The following CFAP47 variants were observed in gnomAD, a reference collection of about 807,000 sequenced individuals.
The protein encoded by CFAP47 is cilia and flagella associated protein 47, also known as cilia- and flagella-associated protein 47.
A neutral mutation model predicts 148.1 loss-of-function variants in CFAP47; 29 were observed. That is an observed-to-expected ratio of 0.20 (90% CI 0.15 to 0.27). The LOEUF is 0.27. CFAP47 is among the 10% of genes least tolerant of loss of function. The pLI, the probability that CFAP47 is intolerant of heterozygous loss-of-function variation, is 1.00. For synonymous variants in CFAP47, 664 were observed against 577.3 expected, an observed-to-expected ratio of 1.15 and a Z score of -2.15; for missense variants, 1,872 against 1,697.5, an observed-to-expected ratio of 1.10 and a Z score of -1.81.
At chrX:36,165,938 T>G (rs1327651520) in intron 39 of CFAP47, among the ~76,000 whole-genome samples, 3 of 111,593 alleles carry the variant, frequency 2.7e-5, no homozygotes, top group African/African-American at 9.8e-5. Context: ...ACTTAAAGGC[T>G]CTTTCTCCAA....
intron 39 of CFAP47, among the ~76,000 whole-genome samples, chrX:36,173,550 G>C (rs1939619463): frequency 9.0e-6 from 1 of 111,413 alleles, no homozygotes; most frequent in Non-Finnish European, 1.9e-5. Flanking sequence ...CCTTCATTTT[G>C]TTATGTACTC....
At chrX:35,969,916 C>CT (rs1214896386) in intron 10 of CFAP47, among the ~76,000 whole-genome samples, 8 of 110,342 alleles carry the variant, frequency 7.3e-5, no homozygotes, top group Non-Finnish European at 1.5e-4. Flanking sequence ...TGTTTTTTTT[C>CT]TTTTTTTTCA....
intron 62 of CFAP47, chrX:36,367,974 G>A (rs1183342475): frequency 8.9e-6 from 1 of 111,936 alleles, no homozygotes; most frequent in Non-Finnish European, 1.9e-5. Flanking sequence ...ATGGTTGTTT[G>A]TAACAGTTGT....
Position 36,065,662 on chromosome X carries a change from G to A in CFAP47, c.4237G>A (p.Ala1413Thr). ...RKNWFSLPVTATAENCILTIY... is the reference protein window; with the variant it reads ...RKNWFSLPVTTTAENCILTIY... ...TTTCAGGTTTTCACTTCCAGTTACTGCAACAGCAGAAAACTGCATTCTTAC... is the reference window on the plus strand; with the variant it reads ...TTTCAGGTTTTCACTTCCAGTTACTACAACAGCAGAAAACTGCATTCTTAC... The change falls in exon 27 of 64, where the codon GCA becomes ACA. Residue 1413 changes from alanine (A) to threonine (T), a missense_variant. Physicochemically the swap from Ala to Thr is moderately conservative, Grantham distance 58 (BLOSUM62 0). Coordinates refer to ENST00000378653, the MANE Select transcript of CFAP47 (RefSeq NM_001304548.2). The A allele has an allele frequency of 8.4e-7, 1 of 1,191,630 alleles. No homozygotes were observed. The highest frequency in any genetic ancestry group is 3.0e-5 in the East Asian group (1 of 33,603).
intron 35 of CFAP47, among the ~76,000 whole-genome samples, chrX:36,142,879 A>T (rs1326226311): frequency 9.1e-6 from 1 of 109,691 alleles, no homozygotes; most frequent in Non-Finnish European, 1.9e-5. Context: ...CAGTAAACAC[A>T]CCTCCCGTCA....
chrX:36,260,765 G>C (rs1326265264), intron 49 of CFAP47, among the ~76,000 whole-genome samples: 2 of 112,026 alleles, frequency 1.8e-5, no homozygotes. Context: ...TATTCAACAA[G>C]ACATCTTTGC....
chrX:35,920,654 AGAATT>A (rs1315345251), intron 1 of CFAP47, among the ~76,000 whole-genome samples: 1 of 111,636 alleles, frequency 9.0e-6, no homozygotes, highest in Non-Finnish European at 1.9e-5. Context: ...TAAAGTGGGC[AGAATT>A]TCCTCTGTAT....
intron 39 of CFAP47, among the ~76,000 whole-genome samples, chrX:36,165,506 A>T: frequency 9.0e-6 from 1 of 111,705 alleles, no homozygotes; most frequent in East Asian, 2.8e-4. Flanking sequence ...ATATAGCTCT[A>T]TTCCCTTTCC....
intron 48 of CFAP47, 44 bp downstream of exon 48, chrX:36,236,903 A>G (rs1940475351): frequency 4.8e-6 from 2 of 417,849 alleles, no homozygotes; most frequent in South Asian, 4.5e-5. Context: ...TTCTGAATAT[A>G]GTGAATCACA....
chrX:36,348,292 A>C lies in CFAP47; in HGVS notation c.8603+4A>C. ...AGTTGGATATAAAATTTAAAAGGTA[A>C]CATTTAAATAAAGACATTGAAGGAA... On this transcript the variant is annotated splice_donor_region_variant and intron_variant, in intron 58 of 63. Transcript: ENST00000378653. 1.0e-6 allele frequency: 1 copy of C among 962,085 alleles called. No individual in the cohort carries two copies. Among genetic ancestry groups the C allele is most frequent in the Non-Finnish European group, 1.3e-6 (1 of 745,915 alleles). 79.3% of individuals were successfully genotyped at this position (962,085 alleles called of 1,213,427 possible).
intron 33 of CFAP47, among the ~76,000 whole-genome samples, chrX:36,126,718 G>A (rs1938845778): frequency 1.8e-5 from 2 of 112,053 alleles, no homozygotes; most frequent in Non-Finnish European, 3.8e-5. Flanking sequence ...CACCAACAGT[G>A]TGTAAGTGTT....
At position 35,970,821 on chromosome X, in the gene CFAP47, A is replaced by G; in HGVS notation, c.1868A>G (p.Tyr623Cys). 1.7e-6 allele frequency: 2 copies of G among 1,191,308 alleles called. No homozygotes were observed. Among genetic ancestry groups the G allele is most frequent in the South Asian group, 1.8e-5 (1 of 54,221 alleles). ...AACTATGTGAATCATGATTTTGCAT[A>G]TACTACATTTGAAAAACAGCAAAAG... Reference protein sequence around the residue: ...RFNYVNHDFAYTTFEKQQKKL... With the variant: ...RFNYVNHDFACTTFEKQQKKL... Residue 623 changes from tyrosine to cysteine, a missense_variant, in exon 11 of 64, where the codon TAT becomes TGT. Physicochemically the swap from Tyr to Cys is radical, Grantham distance 194. Coordinates refer to ENST00000378653, the MANE Select transcript of CFAP47 (RefSeq NM_001304548.2).
Position 36,015,816 on chromosome X carries a change from G to A in CFAP47, c.3556+904G>A, listed in dbSNP as rs151106700. Reference sequence around the variant, plus strand: ...TGTTTGAAAATTAAAAATTAAGATAGCATTGTTAAAGAAAATTGGAAAATG... The same window carrying A: ...TGTTTGAAAATTAAAAATTAAGATAACATTGTTAAAGAAAATTGGAAAATG... On this transcript the variant is annotated intron_variant, in intron 22 of 63. Transcript: ENST00000378653. Among the ~76,000 whole-genome samples, 605 of 111,559 alleles carry A rather than the reference G, an allele frequency of 5.4e-3. 6 individuals carry two copies. The highest frequency in any genetic ancestry group is 0.019 in the African/African-American group (578 of 30,901).
chrX:36,201,578 T>C (rs1015396218), intron 44 of CFAP47, 78 bp downstream of exon 44: 4 of 291,365 alleles, frequency 1.4e-5, no homozygotes, highest in Admixed American at 6.2e-5. Context: ...CTGTTACTAT[T>C]TAAAATATTA....
intron 60 of CFAP47, among the ~76,000 whole-genome samples, chrX:36,359,982 T>G (rs1477284911): frequency 9.0e-6 from 1 of 111,180 alleles, no homozygotes; most frequent in Non-Finnish European, 1.9e-5. Context: ...CTCGATCTCC[T>G]GACCTTGTGA....
intron 2 of CFAP47, among the ~76,000 whole-genome samples, chrX:35,927,565 T>C (rs1227882289): frequency 1.8e-5 from 2 of 110,453 alleles, no homozygotes; most frequent in Non-Finnish European, 3.8e-5. Flanking sequence ...GCACTGCCCT[T>C]CTTTTGGTGT....
chrX:36,044,397 G>A (rs1037471052), intron 25 of CFAP47, among the ~76,000 whole-genome samples: 1 of 112,813 alleles, frequency 8.9e-6, no homozygotes, highest in African/African-American at 3.2e-5. Flanking sequence ...TGAAACATTA[G>A]TTCCAATTTC....
At chrX:36,259,697 A>G (rs782765196) in intron 49 of CFAP47, among the ~76,000 whole-genome samples, 35 of 107,476 alleles carry the variant, frequency 3.3e-4, no homozygotes, top group Non-Finnish European at 5.6e-4. Context: ...CTCTTTATTA[A>G]TTTTTTTTTT....
chrX:36,003,975 T>TC (rs1258998502), intron 21 of CFAP47, among the ~76,000 whole-genome samples: 16 of 94,317 alleles, frequency 1.7e-4, no homozygotes, highest in African/African-American at 6.5e-4. Flanking sequence ...TTCTTTTTTT[T>TC]TTTTTTTTTT....
Sources: gnomAD v4.1 joint callset for allele counts (sites outside exome capture counted in the v4.1 genomes callset) on GRCh38, gnomAD v4.1.1 for gene constraint, MANE v1.5 for transcripts, NCBI Gene and HGNC (gene_info 2026-07-23, HGNC 2026-07-21) for gene names.